CHD9: variants seen among roughly 807,000 people sequenced by gnomAD.
The protein encoded by CHD9 is chromodomain helicase DNA binding protein 9, also known as ATP-dependent chromatin remodeler CHD9.
A neutral mutation model predicts 316.1 loss-of-function variants in CHD9; 77 were observed. The observed-to-expected ratio is 0.24, with a 90% CI of 0.20 to 0.29. The LOEUF (loss-of-function observed/expected upper bound fraction) is 0.29. Among genes scored for constraint, CHD9 ranks in the 10% least tolerant of loss-of-function variants. The pLI is 1.00. For synonymous variants in CHD9, 1,129 were observed against 1,158.3 expected, an observed-to-expected ratio of 0.97 and a Z score of 0.51; for missense variants, 2,763 against 3,438.1, an observed-to-expected ratio of 0.80 and a Z score of 4.91.
chr16:53,057,278 G>C (rs767534413), intron 1 of CHD9, among the ~76,000 whole-genome samples: 13 of 151,496 alleles, frequency 8.6e-5, no homozygotes, highest in Admixed American at 1.3e-4. Flanking sequence ...TTAGGAGTTT[G>C]ACACCAGCCT....
intron 1 of CHD9, among the ~76,000 whole-genome samples, chr16:53,100,092 T>C (rs780725046): frequency 2.6e-5 from 4 of 152,282 alleles, no homozygotes; most frequent in South Asian, 4.1e-4. Context: ...GCAGATGCCA[T>C]TGTGGCTGGG....
At chr16:53,230,377 T>G (rs1046228929) in intron 8 of CHD9, among the ~76,000 whole-genome samples, 14 of 152,144 alleles carry the variant, frequency 9.2e-5, no homozygotes, top group African/African-American at 2.9e-4. Context: ...CCCAACACTT[T>G]GGGAGGTCAA....
At chr16:53,273,214 T>A (rs962948439) in intron 22 of CHD9, among the ~76,000 whole-genome samples, 2 of 152,136 alleles carry the variant, frequency 1.3e-5, no homozygotes, top group Non-Finnish European at 2.9e-5. Context: ...CTAAAATGAG[T>A]TTAGCTATCT....
chr16:53,079,711 G>A (rs903035355), intron 1 of CHD9, among the ~76,000 whole-genome samples: 4 of 152,138 alleles, frequency 2.6e-5, no homozygotes, highest in Non-Finnish European at 5.9e-5. Context: ...GGCTGGGGGT[G>A]CAATGCTGGA....
chr16:53,173,490 C>T (rs894198605), intron 2 of CHD9, among the ~76,000 whole-genome samples: 6 of 151,886 alleles, frequency 4.0e-5, no homozygotes, highest in East Asian at 1.9e-4. Flanking sequence ...TTATAGTTAA[C>T]GGATTTATGC....
At position 53,156,900 on chromosome 16, in the gene CHD9, T is replaced by G. The variant is rs1476909271; in HGVS notation, c.811T>G (p.Ser271Ala). ...SCSVSNSQQF[S>A]SHYSFSSNHI... ...TTCTGTCAGTAATTCACAGCAATTT[T>G]CTTCACATTATTCCTTTTCCAGTAA... Residue 271 changes from serine to alanine, a missense_variant, in exon 2 of 39, where the codon TCT becomes GCT. Around this residue, in one of 15 missense-constraint regions of CHD9, gnomAD observed 859 missense variants for 890.4 expected, o/e 0.96. Coordinates refer to ENST00000447540, the MANE Select transcript of CHD9 (RefSeq NM_001308319.2). 1.2e-6 allele frequency: 2 copies of G among 1,613,684 alleles called. No individual in the cohort carries two copies. The highest frequency in any genetic ancestry group is 1.7e-6 in the Non-Finnish European group (2 of 1,179,748).
At position 53,324,264 on chromosome 16, in the gene CHD9, C is replaced by T; in HGVS notation, c.8063C>T (p.Thr2688Ile). 6.2e-7 allele frequency: 1 copy of T among 1,614,004 alleles called. No homozygotes were observed. Among genetic ancestry groups the T allele is most frequent in the Non-Finnish European group, 8.5e-7 (1 of 1,179,898 alleles). The change falls in exon 39 of 39, where the codon ACT (threonine) becomes ATT (isoleucine). Residue 2688 changes from threonine (T) to isoleucine (I), a missense_variant. By Grantham distance (89) the Thr-to-Ile change is moderately conservative. Around this residue, in one of 15 missense-constraint regions of CHD9, gnomAD observed 298 missense variants for 380.2 expected, o/e 0.78. Transcript: ENST00000447540. ...NLQNLQSLQV[T>I]AGLMGMPTGL... ...CAAAACTTGCAGTCACTGCAAGTAA[C>T]TGCTGGGTTGATGGGAATGCCTACC...
chr16:53,228,944 CTG>C (rs1478767613), intron 7 of CHD9, 37 bp from the exon 8 acceptor site: 1 of 906,308 alleles, frequency 1.1e-6, no homozygotes, highest in South Asian at 1.9e-5. Context: ...AAATGGTTAT[CTG>C]TGTCATTCTA....
chr16:53,074,139 T>TGG (rs2034327601), intron 1 of CHD9, among the ~76,000 whole-genome samples: 1 of 152,144 alleles, frequency 6.6e-6, no homozygotes, highest in African/African-American at 2.4e-5. Flanking sequence ...TGACTCTTCT[T>TGG]TATGTTTTAG....
chr16:53,267,554 A>G (rs1208066335), intron 21 of CHD9, 64 bp downstream of exon 21: 1 of 1,158,038 alleles, frequency 8.6e-7, no homozygotes, highest in Non-Finnish European at 1.2e-6. Flanking sequence ...GAAAATATAT[A>G]CTGGTTTTGA....
At chr16:53,226,536 T>G in intron 5 of CHD9, 24 bp downstream of exon 5, 1 of 1,583,012 alleles carries the variant, frequency 6.3e-7, no homozygotes, top group East Asian at 2.3e-5. Flanking sequence ...GGATTATGAC[T>G]GCAAAACATT....
At chr16:53,301,027 C>T (rs551077103) in intron 30 of CHD9, among the ~76,000 whole-genome samples, 58 of 152,048 alleles carry the variant, frequency 3.8e-4, no homozygotes, top group Non-Finnish European at 7.2e-4. Flanking sequence ...GAGCCAAGAT[C>T]GCACCATTGC....
At chr16:53,136,301 C>G (rs1950353589) in intron 1 of CHD9, among the ~76,000 whole-genome samples, 1 of 152,020 alleles carries the variant, frequency 6.6e-6, no homozygotes, top group African/African-American at 2.4e-5. Context: ...AAAAAGATGA[C>G]CTTTCTTGTC....
At chr16:53,226,575 T>C in intron 5 of CHD9, 63 bp downstream of exon 5, 1 of 1,531,830 alleles carries the variant, frequency 6.5e-7, no homozygotes, top group Non-Finnish European at 8.8e-7. Context: ...TATAAATACT[T>C]GCATTGTTTT....
chr16:53,138,556 C>T (rs1345286282), intron 1 of CHD9, among the ~76,000 whole-genome samples: 1 of 152,194 alleles, frequency 6.6e-6, no homozygotes, highest in Non-Finnish European at 1.5e-5. Context: ...GTTAATTGAA[C>T]TGAGTTCAGA....
intron 12 of CHD9, among the ~76,000 whole-genome samples, chr16:53,239,557 G>C (rs1208405131): frequency 6.6e-6 from 1 of 151,880 alleles, no homozygotes; most frequent in Non-Finnish European, 1.5e-5. Context: ...AATGGAAAAG[G>C]TTTATCTCCT....
At chr16:53,108,694 G>A (rs1309799781) in intron 1 of CHD9, among the ~76,000 whole-genome samples, 1 of 151,888 alleles carries the variant, frequency 6.6e-6, no homozygotes, top group Non-Finnish European at 1.5e-5. Flanking sequence ...GGCCAACATG[G>A]TGAAACCCTG....
intron 29 of CHD9, among the ~76,000 whole-genome samples, chr16:53,296,334 C>T (rs755499208): frequency 1.3e-5 from 2 of 151,912 alleles, no homozygotes; most frequent in African/African-American, 2.4e-5. Flanking sequence ...AAATACAAAA[C>T]ACCATTATTG....
chr16:53,185,516 A>T (rs777359332), intron 2 of CHD9, among the ~76,000 whole-genome samples: 15 of 152,214 alleles, frequency 9.9e-5, no homozygotes, highest in Non-Finnish European at 1.9e-4. Flanking sequence ...GTGATGAAAA[A>T]AAAGTAACCC....
Sources: allele counts gnomAD v4.1 joint callset (sites outside exome capture counted in the v4.1 genomes callset), GRCh38; gene constraint gnomAD v4.1.1; regional missense constraint gnomAD v4.1.1; transcripts MANE v1.5; gene names NCBI Gene and HGNC (gene_info 2026-07-23, HGNC 2026-07-21).